ZNF790: variants seen among roughly 807,000 people sequenced by gnomAD.
ZNF790 encodes the protein zinc finger protein 790.
Under a neutral mutation model 12.1 loss-of-function variants are expected in ZNF790, and 8 were observed. The ratio of observed to expected loss-of-function variants is 0.66; its 90% CI spans 0.39 to 1.19. ZNF790 has a LOEUF of 1.19. ZNF790 is among the 50% of genes most tolerant of loss of function. ZNF790 has a pLI of 0.01. For missense variants in ZNF790, 707 were observed against 752.2 expected (o/e 0.94, Z 0.70); for synonymous variants, 252 against 244.3 (o/e 1.03, Z -0.29).
At chr19:36,830,484 A>G (rs1175550342) in intron 1 of ZNF790, among the ~76,000 whole-genome samples, 3 of 152,246 alleles carry the variant, frequency 2.0e-5, no homozygotes, top group South Asian at 4.1e-4. Flanking sequence ...TATGAGATAT[A>G]CTTTGTCTCG....
At chr19:36,832,173 C>A (rs963571119) in intron 1 of ZNF790, among the ~76,000 whole-genome samples, 4 of 152,132 alleles carry the variant, frequency 2.6e-5, no homozygotes, top group Admixed American at 2.6e-4. Flanking sequence ...AAGACATACT[C>A]CAGCCACAAA....
At chr19:36,833,459 A>G (rs1056921105) in intron 1 of ZNF790, among the ~76,000 whole-genome samples, 2 of 152,162 alleles carry the variant, frequency 1.3e-5, no homozygotes, top group Admixed American at 6.5e-5. Flanking sequence ...ATGTCTTTAT[A>G]TTAATTACTA....
At chr19:36,844,333 CAAAAAAA>C (rs34420002) in intron 1 of ZNF790, among the ~76,000 whole-genome samples, 3 of 128,384 alleles carry the variant, frequency 2.3e-5, no homozygotes, top group Admixed American at 8.0e-5. Flanking sequence ...AAACAAAAAA[CAAAAAAA>C]AAAAAACCCA....
intron 1 of ZNF790, among the ~76,000 whole-genome samples, chr19:36,847,237 C>G (rs145270573): frequency 0.016 from 2,380 of 151,816 alleles, 64 homozygotes; most frequent in African/African-American, 0.053. Flanking sequence ...ATCTGTAATC[C>G]CAGCTACTCG....
Position 36,818,764 on chromosome 19 carries a change from A to C in ZNF790, c.1580T>G (p.Met527Arg), listed in dbSNP as rs1322849608. ...TACGTAAGGTTCCTCACCAGTATGCATTCTCTGATGTCGAGTAAGTTGTGA... is the reference window on the plus strand; with the variant it reads ...TACGTAAGGTTCCTCACCAGTATGCCTTCTCTGATGTCGAGTAAGTTGTGA... ...WGSQLTRHQR[M>R]HTGEEPYVCK... is the part of the protein sequence containing the mutation. Residue 527 changes from methionine to arginine, a missense_variant, in exon 5 of 5, where the codon ATG (methionine) becomes AGG (arginine). Transcript: ENST00000356725. The C allele has an allele frequency of 6.2e-7, 1 of 1,610,714 alleles. No individual in the cohort carries two copies. Among genetic ancestry groups the C allele is most frequent in the Admixed American group, 1.7e-5 (1 of 59,070 alleles).
At chr19:36,849,301 C>T (rs1478030037) in intron 1 of ZNF790, among the ~76,000 whole-genome samples, 1 of 152,128 alleles carries the variant, frequency 6.6e-6, no homozygotes, top group Non-Finnish European at 1.5e-5. Context: ...TTCCTGCCAT[C>T]ATATTTCGGC....
chr19:36,826,041 T>C (rs540361352), intron 1 of ZNF790, among the ~76,000 whole-genome samples: 3 of 152,346 alleles, frequency 2.0e-5, no homozygotes, highest in African/African-American at 7.2e-5. Flanking sequence ...TTAGGAAATA[T>C]CATAGGTTTG....
rs148356621 is a variant in ZNF790 at position 36,819,596 on chromosome 19, C to G, written c.748G>C (p.Gly250Arg). 1 of 1,608,832 alleles carries G rather than the reference C, an allele frequency of 6.2e-7. No homozygotes were observed. The highest frequency in any genetic ancestry group is 8.5e-7 in the Non-Finnish European group (1 of 1,177,484). ...TCCTTACATTTAAAAGGTTTCTCAC[C>G]GGTATGAATTCTCTTATGACCAGTA... The part of the protein sequence containing the change: ...SLTGHKRIHT[G>R]EKPFKCKDCG... Residue 250 changes from glycine to arginine, a missense_variant, in exon 5 of 5, where the codon GGT becomes CGT. Transcript: ENST00000356725.
upstream of ZNF790, among the ~76,000 whole-genome samples, chr19:36,839,327 G>C (rs766184320): frequency 6.6e-6 from 1 of 152,206 alleles, no homozygotes; most frequent in Non-Finnish European, 1.5e-5. Flanking sequence ...TGTAAGTTCA[G>C]TATAACTCCA....
chr19:36,825,514 G>A lies in ZNF790; in HGVS notation c.9+97C>T, dbSNP rs148745490. On this transcript the variant is annotated intron_variant, in intron 2 of 4. Transcript: ENST00000356725. ...CAGTCATTACTTATGACACTCAATAGTGATTCAGGTAAGCAGTTTAAGGAT... is the reference window on the plus strand; with the variant it reads ...CAGTCATTACTTATGACACTCAATAATGATTCAGGTAAGCAGTTTAAGGAT... 4.0e-6 allele frequency: 5 copies of A among 1,234,736 alleles called. No homozygotes were observed. The African/African-American group carries it at 7.4e-5, about 18-fold the overall frequency. 76.5% of individuals were successfully genotyped at this position (1,234,736 alleles called of 1,614,324 possible). A position where few individuals can be genotyped will look rare whatever the true frequency, so the allele number is the denominator to read the frequency against.
chr19:36,827,054 G>T (rs1600656653), intron 1 of ZNF790, among the ~76,000 whole-genome samples: 1 of 140,788 alleles, frequency 7.1e-6, no homozygotes, highest in Non-Finnish European at 1.5e-5. Flanking sequence ...TACATACATA[G>T]ATATATATGT....
chr19:36,828,034 A>C (rs2071867599), intron 1 of ZNF790: 1 of 152,152 alleles, frequency 6.6e-6, no homozygotes, highest in African/African-American at 2.4e-5. Context: ...GGCATAGAGA[A>C]CTTTAAGCAC....
At chr19:36,830,834 G>A (rs975192141) in intron 1 of ZNF790, among the ~76,000 whole-genome samples, 3 of 152,282 alleles carry the variant, frequency 2.0e-5, no homozygotes, top group Middle Eastern at 3.4e-3. Context: ...TATAACATGC[G>A]TAAGATAGTT....
At chr19:36,827,117 T>TACACACATACACAC (rs2071828095) in intron 1 of ZNF790, among the ~76,000 whole-genome samples, 1 of 60,934 alleles carries the variant, frequency 1.6e-5, no homozygotes, top group African/African-American at 6.2e-5. Context: ...TATATACACA[T>TACACACATACACAC]ACACACACAC....
At position 36,838,129 on chromosome 19, in the gene ZNF790, T is replaced by TACACAC. The variant is rs747995547; in HGVS notation, c.-74+202_-74+207dup. On this transcript the variant is annotated intron_variant, in intron 1 of 4. Transcript: ENST00000356725. The surrounding 1 kb of genome is among the most constrained non-coding windows in gnomAD (Gnocchi z 4.4). ...GCGCACACACACACACACACACACA[T>TACACAC]ACACACACACACACACAAGCTCCCG... is the stretch of plus-strand genomic sequence containing the variant. 1 of 66,322 alleles carries TACACAC rather than the reference T, an allele frequency of 1.5e-5. No individual in the cohort carries two copies. Among genetic ancestry groups the TACACAC allele is most frequent in the African/African-American group, 6.3e-5 (1 of 15,930 alleles). The allele number at this position is 66,322 out of a possible 1,614,324, so 4.1% of individuals were successfully genotyped here.
Position 36,823,705 on chromosome 19 carries a change from T to A in ZNF790, c.95A>T (p.Asp32Val). ...GTTGCTGTAGTTCTCCAACATCACA[T>A]CTCTATATAAATCCCTCTGTTCCAG... Reference protein sequence around the residue: ...LDLEQRDLYRDVMLENYSNMV... With the variant: ...LDLEQRDLYRVVMLENYSNMV... The change falls in exon 3 of 5, where the codon GAT (aspartate) becomes GTT (valine). Residue 32 changes from aspartate to valine, a missense_variant. Asp to Val is a radical substitution (Grantham distance 152). Coordinates refer to ENST00000356725, the MANE Select transcript of ZNF790 (RefSeq NM_206894.4). 6.2e-7 allele frequency: 1 copy of A among 1,612,368 alleles called. No individual in the cohort carries two copies. Among genetic ancestry groups the A allele is most frequent in the Non-Finnish European group, 8.5e-7 (1 of 1,179,578 alleles).
At position 36,819,361 on chromosome 19, in the gene ZNF790, T is replaced by A. The variant is rs1323646435; in HGVS notation, c.983A>T (p.His328Leu). 6.2e-7 allele frequency: 1 copy of A among 1,613,082 alleles called. No homozygotes were observed. The highest frequency in any genetic ancestry group is 8.5e-7 in the Non-Finnish European group (1 of 1,179,410). The change falls in exon 5 of 5, where the codon CAT becomes CTT. Residue 328 changes from histidine to leucine, a missense_variant. Transcript: ENST00000356725. The stretch of plus-strand genomic sequence containing the variant: ...TTTTTCACCAGTGTGAATTCTCTGA[T>A]GTTTAATAAGATGTGATCGCTGACT... Reference protein sequence around the residue: ...AFSQRSHLIKHQRIHTGEKPY... With the variant: ...AFSQRSHLIKLQRIHTGEKPY...
intron 2 of ZNF790, 173 bp from the exon 3 acceptor site, chr19:36,823,963 G>A: frequency 2.1e-6 from 1 of 469,014 alleles, no homozygotes; most frequent in Non-Finnish European, 3.7e-6. Flanking sequence ...ATGGGAATAA[G>A]GGTGACAAAA....
upstream of ZNF790, among the ~76,000 whole-genome samples, chr19:36,839,676 G>T (rs138329431): frequency 6.6e-6 from 1 of 152,198 alleles, no homozygotes; most frequent in Non-Finnish European, 1.5e-5. Flanking sequence ...ACAGGCATGA[G>T]TCACTGCACA....
Sources: allele counts gnomAD v4.1 joint callset (sites outside exome capture counted in the v4.1 genomes callset), GRCh38; gene constraint gnomAD v4.1.1; non-coding constraint Gnocchi (gnomAD v3.1); transcripts MANE v1.5; gene names NCBI Gene and HGNC (gene_info 2026-07-23, HGNC 2026-07-21).